Variants in HNRNPUL1 observed in about 807,000 individuals in gnomAD.
The protein encoded by HNRNPUL1 is heterogeneous nuclear ribonucleoprotein U like 1.
A neutral mutation model predicts 108.5 loss-of-function variants in HNRNPUL1; 14 were observed. The observed-to-expected ratio is 0.13, with a 90% CI of 0.09 to 0.20. The LOEUF is 0.20. HNRNPUL1 is among the 10% of genes least tolerant of loss of function. HNRNPUL1 has a pLI of 1.00. For synonymous variants in HNRNPUL1, 422 were observed against 445.2 expected (o/e 0.95, Z 0.66); for missense variants, 804 against 1,168.3 (o/e 0.69, Z 4.55).
intron 7 of HNRNPUL1, among the ~76,000 whole-genome samples, chr19:41,284,271 C>A (rs889738353): frequency 6.6e-6 from 1 of 151,876 alleles, no homozygotes; most frequent in Admixed American, 6.6e-5. Flanking sequence ...CAAGATTAAT[C>A]CAGCATAAGG....
At chr19:41,272,323 A>G (rs938206269) in intron 3 of HNRNPUL1, 88 bp downstream of exon 3, 1 of 1,272,754 alleles carries the variant, frequency 7.9e-7, no homozygotes, top group East Asian at 2.3e-5. Context: ...GCACTAACCT[A>G]GAGGGGCTGA....
At chr19:41,263,084 G>T (rs568763931), upstream of HNRNPUL1, 1 of 151,708 alleles carries the variant, frequency 6.6e-6, no homozygotes, top group Non-Finnish European at 1.5e-5. Context: ...AAAAGAACTG[G>T]ATGCGTCTGA....
At chr19:41,274,753 A>C (rs1170614723) in intron 4 of HNRNPUL1, among the ~76,000 whole-genome samples, 1 of 152,236 alleles carries the variant, frequency 6.6e-6, no homozygotes, top group Non-Finnish European at 1.5e-5. Context: ...GCAGAAGATA[A>C]GCAGCAATTT....
rs747979226 is a variant in HNRNPUL1 at position 41,273,944 on chromosome 19, A to G, written c.573-38A>G. 8 of 1,507,076 alleles carry G rather than the reference A, an allele frequency of 5.3e-6. No homozygotes were observed. In the East Asian group the frequency reaches 1.4e-4, roughly 25 times the overall value. The allele number at this position is 1,507,076 out of a possible 1,614,324, so 93.4% of individuals were successfully genotyped here. A position where few individuals can be genotyped will look rare whatever the true frequency, so the allele number is the denominator to read the frequency against. On this transcript the variant is annotated intron_variant, in intron 3 of 14. Transcript: ENST00000392006. ...CATTTTCTTTCCTTTGTGCTCATCC[A>G]TTGTTCTTGTATGACTTAACCCCTG... is the stretch of plus-strand genomic sequence containing the variant.
intron 1 of HNRNPUL1, among the ~76,000 whole-genome samples, chr19:41,267,723 C>T (rs2034940208): frequency 6.6e-6 from 1 of 152,202 alleles, no homozygotes; most frequent in Admixed American, 6.5e-5. Context: ...AGAGCTAGCC[C>T]CTGGGGAGGA....
Position 41,302,913 on chromosome 19 carries a change from G to T in HNRNPUL1, c.1936G>T (p.Gly646Trp), listed in dbSNP as rs1568460256. ...CAACCGTGGCGGCTTCCAGAACCGAGGGGGAGGCAGCGGTGGAGGAGGCAA... is the reference window on the plus strand; with the variant it reads ...CAACCGTGGCGGCTTCCAGAACCGATGGGGAGGCAGCGGTGGAGGAGGCAA... ...GGNRGGFQNR[G>W]GGSGGGGNYR... Residue 646 changes from glycine to tryptophan, a missense_variant, in exon 12 of 15, where the codon GGG (glycine) becomes TGG (tryptophan). Transcript: ENST00000392006. 2 of 1,532,712 alleles carry T rather than the reference G, an allele frequency of 1.3e-6. No individual in the cohort carries two copies. Among genetic ancestry groups the T allele is most frequent in the Non-Finnish European group, 1.8e-6 (2 of 1,141,150 alleles). The allele number at this position is 1,532,712 out of a possible 1,614,324, so 94.9% of individuals were successfully genotyped here.
Position 41,304,017 on chromosome 19 carries a change from G to A in HNRNPUL1, c.2018G>A (p.Gly673Asp). The change falls in exon 13 of 15, where the codon GGT (glycine) becomes GAT (aspartate). Residue 673 changes from glycine to aspartate, a missense_variant. This residue lies in a region of HNRNPUL1 where 294 missense variants were observed against 388.3 expected (regional missense o/e 0.76). Coordinates refer to ENST00000392006, the MANE Select transcript of HNRNPUL1 (RefSeq NM_007040.6). ...GGTGGCTATAGCCAGAACCGCTGGG[G>A]TAACAACAACCGGGATAACAACAAC... ...GGGGYSQNRWGNNNRDNNNSN... is the reference protein window; with the variant it reads ...GGGGYSQNRWDNNNRDNNNSN... The A allele has an allele frequency of 6.2e-7, 1 of 1,613,958 alleles. No homozygotes were observed. The highest frequency in any genetic ancestry group is 1.1e-5 in the South Asian group (1 of 91,070).
intron 7 of HNRNPUL1, among the ~76,000 whole-genome samples, chr19:41,284,308 A>T (rs1273890758): frequency 6.6e-6 from 1 of 152,198 alleles, no homozygotes; most frequent in Non-Finnish European, 1.5e-5. Context: ...AAAAGAAAAA[A>T]TTCCCGAAGC....
intron 7 of HNRNPUL1, among the ~76,000 whole-genome samples, chr19:41,289,463 A>C (rs542634770): frequency 6.6e-6 from 1 of 152,242 alleles, no homozygotes; most frequent in African/African-American, 2.4e-5. Context: ...ACACCAGGCT[A>C]TAAAAATGGC....
rs931755015 is a variant in HNRNPUL1 at position 41,307,518 on chromosome 19, G to A, written c.*953G>A. 3.3e-5 allele frequency: 5 copies of A among 152,696 alleles called. No homozygotes were observed. The highest frequency in any genetic ancestry group is 1.2e-4 in the African/African-American group (5 of 41,530). The allele number at this position is 152,696 out of a possible 1,614,324, so 9.5% of individuals were successfully genotyped here. ...GGTCTCCCAGGTGCCAGACCCAAAA[G>A]CTTTTCCTACAGTGATACCCTTTAT... On this transcript the variant is annotated 3_prime_UTR_variant, in exon 15 of 15. Transcript: ENST00000392006.
chr19:41,281,644 C>G (rs2035905327), intron 7 of HNRNPUL1, among the ~76,000 whole-genome samples: 1 of 152,090 alleles, frequency 6.6e-6, no homozygotes, highest in Non-Finnish European at 1.5e-5. Flanking sequence ...GCTCTTGCCC[C>G]ATGTTGGCAT....
intron 7 of HNRNPUL1, chr19:41,291,946 A>G (rs986052251): frequency 2.8e-6 from 1 of 350,884 alleles, no homozygotes; most frequent in African/African-American, 2.2e-5. Context: ...GTGCCACTGC[A>G]CTCAGCCTGG....
rs1256767589 is a variant in HNRNPUL1 at position 41,292,016 on chromosome 19, A to G, written c.1000-229A>G. On this transcript the variant is annotated intron_variant, in intron 7 of 14. Coordinates refer to ENST00000392006, the MANE Select transcript of HNRNPUL1 (RefSeq NM_007040.6). This position sits in a 1 kb window ranked among gnomAD's most constrained non-coding sequence, Gnocchi z 4.1. ...AAACAAAAAAAAAAAACTCTTGCTT[A>G]CTTGCTTCATATCCACCAACTTTGG... The G allele has an allele frequency of 3.9e-6, 2 of 508,146 alleles. No homozygotes were observed. The highest frequency in any genetic ancestry group is 7.0e-6 in the Non-Finnish European group (2 of 286,544). The allele number at this position is 508,146 out of a possible 1,614,324, so 31.5% of individuals were successfully genotyped here. A position where few individuals can be genotyped will look rare whatever the true frequency, so the allele number is the denominator to read the frequency against.
At chr19:41,305,391 AAAAG>A (rs2037479500) in intron 13 of HNRNPUL1, among the ~76,000 whole-genome samples, 1 of 152,200 alleles carries the variant, frequency 6.6e-6, no homozygotes, top group African/African-American at 2.4e-5. Context: ...CATTTTATAA[AAAAG>A]AAAACTGAGA....
chr19:41,302,612 G>A (rs1278010874), intron 11 of HNRNPUL1, 53 bp from the exon 12 acceptor site: 4 of 1,610,984 alleles, frequency 2.5e-6, no homozygotes, highest in Non-Finnish European at 3.4e-6. Context: ...CCAGACTTCA[G>A]AAGGTACTGA....
chr19:41,286,891 A>AT (rs2036265092), intron 7 of HNRNPUL1, among the ~76,000 whole-genome samples: 1 of 150,496 alleles, frequency 6.6e-6, no homozygotes, highest in African/African-American at 2.4e-5. Flanking sequence ...TCATTTTTGT[A>AT]TTTTTTAGTA....
chr19:41,276,548 T>C (rs765713526), intron 5 of HNRNPUL1: 8 of 392,622 alleles, frequency 2.0e-5, no homozygotes, highest in South Asian at 4.4e-5. Context: ...CCAGGTATTA[T>C]GTAGTCAACC....
Position 41,264,410 on chromosome 19 carries a change from CT to C in HNRNPUL1, c.-91del, listed in dbSNP as rs1006076689. 5 of 1,116,170 alleles carry C rather than the reference CT, an allele frequency of 4.5e-6. No homozygotes were observed. The highest frequency in any genetic ancestry group is 3.3e-4 in the Middle Eastern group (1 of 3,074). The allele number at this position is 1,116,170 out of a possible 1,614,324, so 69.1% of individuals were successfully genotyped here. On this transcript the variant is annotated 5_prime_UTR_variant, in exon 1 of 15. Transcript: ENST00000392006. ...GCCGCCATTGGAGTGGGCCCCCCCCCTTTCCCCCTTCGCCTCCTGACAGGAA... is the reference window on the plus strand; with the variant it reads ...GCCGCCATTGGAGTGGGCCCCCCCCCTTCCCCCTTCGCCTCCTGACAGGAA...
intron 3 of HNRNPUL1, 81 bp downstream of exon 3, chr19:41,272,316 C>T (rs1169768404): frequency 4.3e-6 from 6 of 1,410,254 alleles, no homozygotes; most frequent in Admixed American, 3.8e-5. Context: ...GACATTTGCA[C>T]TAACCTAGAG....
Sources: allele counts gnomAD v4.1 joint callset (sites outside exome capture counted in the v4.1 genomes callset), GRCh38; gene constraint gnomAD v4.1.1; regional missense constraint gnomAD v4.1.1; non-coding constraint Gnocchi (gnomAD v3.1); transcripts MANE v1.5; gene names NCBI Gene and HGNC (gene_info 2026-07-23, HGNC 2026-07-21).